The following CYREN variants were observed in gnomAD, a reference collection of about 807,000 sequenced individuals.
CYREN encodes the protein cell cycle regulator of NHEJ, also known as cell cycle regulator of non-homologous end joining.
In CYREN, 7 loss-of-function variants were observed where a neutral mutation model predicts 9.7. That is an observed-to-expected ratio of 0.72 (90% CI 0.41 to 1.36). The LOEUF (loss-of-function observed/expected upper bound fraction) is 1.36, where lower values mean the gene tolerates loss of function less well. Ranked by LOEUF, CYREN falls within the 40% of genes most tolerant of loss-of-function variation. The pLI is 0.01. For missense variants in CYREN, 215 were observed against 198.1 expected (o/e 1.09, Z -0.51); for synonymous variants, 76 against 77.9 (o/e 0.98, Z 0.13).
upstream of CYREN, among the ~76,000 whole-genome samples, chr7:135,171,067 C>T (rs143267582): frequency 2.9e-3 from 440 of 151,796 alleles, 2 homozygotes; most frequent in African/African-American, 0.01. Flanking sequence ...CTGGGCCAGG[C>T]CCCCCTCGTG....
intron 2 of CYREN, among the ~76,000 whole-genome samples, chr7:135,108,303 T>C (rs1825071230): frequency 6.6e-6 from 1 of 152,204 alleles, no homozygotes; most frequent in Non-Finnish European, 1.5e-5. Context: ...GATTGCTTTA[T>C]AGTGTCACTG....
Position 135,168,777 on chromosome 7 carries a change from C to T in CYREN, c.137+9G>A. 1.2e-6 allele frequency: 2 copies of T among 1,613,366 alleles called. No homozygotes were observed. The highest frequency in any genetic ancestry group is 1.7e-6 in the Non-Finnish European group (2 of 1,179,588). On this transcript the variant is annotated intron_variant, in intron 2 of 3. Coordinates refer to ENST00000393114, the MANE Select transcript of CYREN (RefSeq NM_024033.4). ...ATTCGCAGGAGTCTTCTGACCAGAG[C>T]TGTCGCACCTTGCTGCTGCCACTGG...
intron 2 of CYREN, chr7:135,148,280 G>C (rs1054343472): frequency 5.6e-6 from 2 of 359,292 alleles, no homozygotes; most frequent in South Asian, 4.3e-5. Context: ...TGTAAGTACC[G>C]ATCCTGCAAG....
At chr7:135,128,842 A>C (rs1828325287) in intron 2 of CYREN, 2 of 1,183,184 alleles carry the variant, frequency 1.7e-6, no homozygotes, top group Admixed American at 1.7e-5. Context: ...CAGGATGTGG[A>C]ATCATTGTTA....
chr7:135,128,509 G>C (rs1828272611), intron 2 of CYREN: 3 of 759,486 alleles, frequency 4.0e-6, no homozygotes, highest in Non-Finnish European at 7.4e-6. Flanking sequence ...CGATGGAGAT[G>C]AATTTAGAAA....
At chr7:135,141,039 C>T (rs1266561590) in intron 2 of CYREN, among the ~76,000 whole-genome samples, 3 of 152,028 alleles carry the variant, frequency 2.0e-5, no homozygotes, top group Non-Finnish European at 4.4e-5. Flanking sequence ...GTGCCTCTGC[C>T]AGGTTTTGGT....
exon 3 of CYREN, chr7:135,094,141 T>C (rs1331229198): frequency 3.2e-6 from 1 of 310,210 alleles, no homozygotes; most frequent in Non-Finnish European, 6.3e-6. Context: ...AAACTACTCT[T>C]AGAAGAAAAT....
At chr7:135,167,935 C>T (rs1369821126) in intron 2 of CYREN, 128 bp from the exon 3 acceptor site, 7 of 1,481,162 alleles carry the variant, frequency 4.7e-6, no homozygotes, top group Non-Finnish European at 4.5e-6. Context: ...CACCTCTGAG[C>T]TGAGGAGCTT....
intron 2 of CYREN, among the ~76,000 whole-genome samples, chr7:135,143,989 C>T (rs891760913): frequency 6.6e-6 from 1 of 152,172 alleles, no homozygotes; most frequent in Non-Finnish European, 1.5e-5. Flanking sequence ...CTCCAGCTCC[C>T]AGTCAAGGGC....
chr7:135,167,074 A>T (rs1830214328), intron 3 of CYREN: 10 of 985,262 alleles, frequency 1.0e-5, no homozygotes, highest in African/African-American at 1.7e-5. Context: ...TGAAGAAACC[A>T]GAACCCACTC....
At chr7:135,170,788 T>TC (rs1554394340), upstream of CYREN, 1 of 151,914 alleles carries the variant, frequency 6.6e-6, no homozygotes, top group Non-Finnish European at 1.5e-5. Flanking sequence ...CTTGGGGAAC[T>TC]CCCGGCCCCC....
At chr7:135,141,368 G>C (rs1360723454) in intron 2 of CYREN, among the ~76,000 whole-genome samples, 1 of 151,850 alleles carries the variant, frequency 6.6e-6, no homozygotes, top group Non-Finnish European at 1.5e-5. Context: ...TGTCTCTGAG[G>C]GTTTCTTATA....
chr7:135,145,717 C>T (rs1829533644), intron 2 of CYREN, among the ~76,000 whole-genome samples: 1 of 152,162 alleles, frequency 6.6e-6, no homozygotes, highest in South Asian at 2.1e-4. Flanking sequence ...TAATTTTCTA[C>T]ATGGCTCAGC....
intron 2 of CYREN, among the ~76,000 whole-genome samples, chr7:135,106,518 T>C (rs1335367582): frequency 6.6e-6 from 1 of 152,254 alleles, no homozygotes; most frequent in Non-Finnish European, 1.5e-5. Context: ...ATCACATTTC[T>C]TGATTTGCAT....
intron 2 of CYREN, 179 bp from the exon 3 acceptor site, chr7:135,167,986 A>C: frequency 9.2e-7 from 1 of 1,092,264 alleles, no homozygotes; most frequent in Non-Finnish European, 1.3e-6. Context: ...CAGCCCAGTG[A>C]CTGGCACAGG....
chr7:135,113,660 A>C (rs1284984379), intron 2 of CYREN, among the ~76,000 whole-genome samples: 4 of 152,244 alleles, frequency 2.6e-5, no homozygotes, highest in Non-Finnish European at 5.9e-5. Flanking sequence ...GTAGACTCTA[A>C]ATTGTGATAA....
chr7:135,147,234 C>T (rs1049103513), intron 2 of CYREN, among the ~76,000 whole-genome samples: 1 of 152,202 alleles, frequency 6.6e-6, no homozygotes, highest in African/African-American at 2.4e-5. Flanking sequence ...ACTCTCTGAT[C>T]TCAAAGCCTC....
At chr7:135,171,789 G>GAGCCCCGTGC (rs1423216837), upstream of CYREN, among the ~76,000 whole-genome samples, 1 of 152,098 alleles carries the variant, frequency 6.6e-6, no homozygotes, top group Non-Finnish European at 1.5e-5. Context: ...AAGCCCTGTG[G>GAGCCCCGTGC]AGCGTCCCTG....
downstream of CYREN, chr7:135,164,828 C>T (rs775925118): frequency 1.5e-5 from 25 of 1,613,898 alleles, no homozygotes; most frequent in Admixed American, 2.8e-4. Flanking sequence ...TGCTGGCAGG[C>T]GGCCTGGGCC....
Sources: allele counts gnomAD v4.1 joint callset (sites outside exome capture counted in the v4.1 genomes callset), GRCh38; gene constraint gnomAD v4.1.1; transcripts MANE v1.5; gene names NCBI Gene and HGNC (gene_info 2026-07-23, HGNC 2026-07-21).